Variants in ZNF385D observed in about 807,000 individuals in gnomAD.
The protein encoded by ZNF385D is zinc finger protein 385D, also known as zinc finger protein 659.
In ZNF385D, 15 loss-of-function variants were observed where a neutral mutation model predicts 35.8. The ratio of observed to expected loss-of-function variants is 0.42; its 90% CI spans 0.28 to 0.64. The LOEUF is 0.64. Ranked by LOEUF, ZNF385D falls within the 30% of genes least tolerant of loss-of-function variation. The pLI, the probability that ZNF385D is intolerant of heterozygous loss-of-function variation, is 0.23. For missense variants in ZNF385D, 474 were observed against 494.6 expected (o/e 0.96, Z 0.39); for synonymous variants, 212 against 186.8 (o/e 1.13, Z -1.10).
intron 3 of ZNF385D, among the ~76,000 whole-genome samples, chr3:21,841,663 G>A (rs925999796): frequency 7.9e-5 from 12 of 151,722 alleles, no homozygotes; most frequent in Middle Eastern, 3.4e-3. Context: ...GGGGTTCTTT[G>A]GAATACTTAA....
At chr3:21,664,855 T>C in intron 2 of ZNF385D, 31 bp downstream of exon 2, 1 of 1,612,998 alleles carries the variant, frequency 6.2e-7, no homozygotes, top group Non-Finnish European at 8.5e-7. Flanking sequence ...TACCTTCCAC[T>C]CAGGCAAAGA....
intron 2 of ZNF385D, among the ~76,000 whole-genome samples, chr3:22,300,670 C>T (rs757161256): frequency 6.6e-6 from 1 of 151,646 alleles, no homozygotes; most frequent in Non-Finnish European, 1.5e-5. Context: ...TACAAATGAC[C>T]AACAGGTACA....
At chr3:21,987,788 C>T (rs1694896321) in intron 3 of ZNF385D, among the ~76,000 whole-genome samples, 1 of 131,502 alleles carries the variant, frequency 7.6e-6, no homozygotes, top group South Asian at 2.5e-4. Flanking sequence ...CCATTCTCCC[C>T]ATCACTTTCA....
intron 2 of ZNF385D, among the ~76,000 whole-genome samples, chr3:22,188,312 A>T (rs1695777681): frequency 1.3e-5 from 2 of 152,202 alleles, no homozygotes; most frequent in Non-Finnish European, 1.5e-5. Context: ...AATGGCAATT[A>T]AAACAGTATT....
At chr3:21,837,901 T>C (rs919928202) in intron 3 of ZNF385D, among the ~76,000 whole-genome samples, 10 of 149,884 alleles carry the variant, frequency 6.7e-5, no homozygotes, top group Admixed American at 1.3e-4. Context: ...AGAAATAGAC[T>C]CCACCTCTGG....
intron 1 of ZNF385D, among the ~76,000 whole-genome samples, chr3:21,678,191 T>C (rs937286353): frequency 1.3e-5 from 2 of 152,106 alleles, no homozygotes; most frequent in African/African-American, 4.8e-5. Flanking sequence ...TCTGGCAAAG[T>C]GTCCAATCAT....
intron 3 of ZNF385D, among the ~76,000 whole-genome samples, chr3:22,048,985 C>A (rs1378186719): frequency 2.0e-5 from 3 of 151,910 alleles, no homozygotes; most frequent in African/African-American, 7.3e-5. Flanking sequence ...TTGGATAGTT[C>A]ATTGTTAGTG....
intron 3 of ZNF385D, among the ~76,000 whole-genome samples, chr3:22,147,547 A>G (rs907123999): frequency 6.6e-6 from 1 of 152,260 alleles, no homozygotes; most frequent in Admixed American, 6.5e-5. Context: ...ACCTGAGAAA[A>G]GGGGATTTGG....
intron 3 of ZNF385D, among the ~76,000 whole-genome samples, chr3:21,538,926 C>T (rs1488276554): frequency 6.6e-6 from 1 of 152,008 alleles, no homozygotes; most frequent in Non-Finnish European, 1.5e-5. Flanking sequence ...CAAAGTCAAG[C>T]ATTAGCTCAT....
chr3:21,513,584 C>T (rs540169225), intron 3 of ZNF385D, among the ~76,000 whole-genome samples: 2 of 151,876 alleles, frequency 1.3e-5, no homozygotes, highest in African/African-American at 4.8e-5. Flanking sequence ...TAAACCAAGA[C>T]ATGTAGAATT....
chr3:21,907,744 G>T (rs1275583510), intron 3 of ZNF385D, among the ~76,000 whole-genome samples: 1 of 151,948 alleles, frequency 6.6e-6, no homozygotes, highest in Non-Finnish European at 1.5e-5. Flanking sequence ...TTAAATGTTT[G>T]ACACTAAAAT....
At chr3:21,758,464 A>G (rs1482492843) in intron 3 of ZNF385D, among the ~76,000 whole-genome samples, 3 of 152,154 alleles carry the variant, frequency 2.0e-5, no homozygotes, top group Admixed American at 6.6e-5. Flanking sequence ...TCTGAAGGAA[A>G]CCCAGCTAGG....
intron 3 of ZNF385D, among the ~76,000 whole-genome samples, chr3:21,998,948 C>G (rs560014316): frequency 6.6e-6 from 1 of 151,876 alleles, no homozygotes; most frequent in Admixed American, 6.6e-5. Context: ...GGTGCACACC[C>G]CTTAAAAAGT....
intron 2 of ZNF385D, among the ~76,000 whole-genome samples, chr3:22,233,550 G>A (rs912642179): frequency 1.3e-5 from 2 of 152,076 alleles, no homozygotes; most frequent in Non-Finnish European, 2.9e-5. Flanking sequence ...AAATATGTGC[G>A]TATTATTGCA....
intron 3 of ZNF385D, among the ~76,000 whole-genome samples, chr3:21,948,562 G>T (rs1701906546): frequency 6.6e-6 from 1 of 152,062 alleles, no homozygotes; most frequent in Admixed American, 6.5e-5. Context: ...ATTTGTATAT[G>T]CCATTTTCGT....
chr3:22,295,096 T>C (rs1442703835), intron 2 of ZNF385D, among the ~76,000 whole-genome samples: 1 of 152,158 alleles, frequency 6.6e-6, no homozygotes, highest in Non-Finnish European at 1.5e-5. Flanking sequence ...AGTTTTCCTC[T>C]GAATGAAAAA....
intron 3 of ZNF385D, among the ~76,000 whole-genome samples, chr3:21,891,433 A>T (rs575026023): frequency 6.6e-6 from 1 of 152,178 alleles, no homozygotes; most frequent in Admixed American, 6.5e-5. Flanking sequence ...TCATTTTTCA[A>T]CCCCTTATCC....
chr3:21,809,955 C>T (rs1203110787), intron 3 of ZNF385D, among the ~76,000 whole-genome samples: 1 of 152,086 alleles, frequency 6.6e-6, no homozygotes, highest in Non-Finnish European at 1.5e-5. Context: ...AGAGTTCTCA[C>T]AAACATTTCA....
chr3:21,805,307 G>C (rs899788321), intron 3 of ZNF385D, among the ~76,000 whole-genome samples: 37 of 152,180 alleles, frequency 2.4e-4, no homozygotes, highest in African/African-American at 8.2e-4. Context: ...TTGTAAATGT[G>C]GGTGTTTAGT....
Sources: gnomAD v4.1 joint callset for allele counts (sites outside exome capture counted in the v4.1 genomes callset) on GRCh38, gnomAD v4.1.1 for gene constraint, MANE v1.5 for transcripts, NCBI Gene and HGNC (gene_info 2026-07-23, HGNC 2026-07-21) for gene names.